DDX10: variants seen among roughly 807,000 people sequenced by gnomAD.
DDX10 encodes DEAD-box helicase 10, also known as probable ATP-dependent RNA helicase DDX10.
In DDX10, 74 loss-of-function variants were observed where a neutral mutation model predicts 104.3. That is an observed-to-expected ratio of 0.71 (90% CI 0.59 to 0.86). The LOEUF is 0.86. Among genes scored for constraint, DDX10 ranks in the 40% least tolerant of loss-of-function variants. DDX10 has a pLI of 0.00. For synonymous variants in DDX10, 351 were observed against 353.4 expected (o/e 0.99, Z 0.08); for missense variants, 952 against 1,040.0 (o/e 0.92, Z 1.16).
intron 1 of DDX10, among the ~76,000 whole-genome samples, chr11:108,666,302 A>AC (rs371598374): frequency 3.3e-5 from 5 of 151,612 alleles, no homozygotes; most frequent in African/African-American, 9.7e-5. Flanking sequence ...ACATGGTGAA[A>AC]CCCCGCCTCT....
chr11:108,815,929 T>C (rs530115268), intron 13 of DDX10, among the ~76,000 whole-genome samples: 5 of 152,358 alleles, frequency 3.3e-5, no homozygotes, highest in Non-Finnish European at 5.9e-5. Flanking sequence ...AGTTTTCTTT[T>C]GAATCTATTC....
chr11:108,940,085 A>T (rs1565325009), intron 17 of DDX10, among the ~76,000 whole-genome samples, 161 bp from the exon 18 acceptor site: 1 of 152,142 alleles, frequency 6.6e-6, no homozygotes, highest in Non-Finnish European at 1.5e-5. Context: ...CTAGCTACTG[A>T]TGGGAAGGTA....
intron 16 of DDX10, among the ~76,000 whole-genome samples, chr11:108,901,266 G>A (rs1863513468): frequency 2.6e-5 from 4 of 152,188 alleles, no homozygotes. Context: ...CGTACATCAT[G>A]CATAGTAAGC....
chr11:108,692,780 G>T (rs1219131388), intron 8 of DDX10, among the ~76,000 whole-genome samples: 1 of 152,156 alleles, frequency 6.6e-6, no homozygotes, highest in Non-Finnish European at 1.5e-5. Flanking sequence ...CTGGAGTACA[G>T]TAGCATGATC....
At chr11:108,901,630 C>T (rs1168977979) in intron 16 of DDX10, among the ~76,000 whole-genome samples, 2 of 152,160 alleles carry the variant, frequency 1.3e-5, no homozygotes, top group Admixed American at 6.5e-5. Context: ...ACTGCAAGCT[C>T]ATAAACATGC....
chr11:108,868,941 C>G (rs1863043203), intron 16 of DDX10, among the ~76,000 whole-genome samples: 1 of 149,264 alleles, frequency 6.7e-6, no homozygotes, highest in East Asian at 2.0e-4. Flanking sequence ...AGAGGTAAAT[C>G]CCCTAGCCAC....
At chr11:108,860,711 A>G (rs1466097672) in intron 16 of DDX10, 1 of 152,094 alleles carries the variant, frequency 6.6e-6, no homozygotes, top group Non-Finnish European at 1.5e-5. Context: ...TTGCCCAGCT[A>G]ATTTTTCTAT....
At chr11:108,799,830 G>T (rs887714112) in intron 13 of DDX10, among the ~76,000 whole-genome samples, 1 of 152,172 alleles carries the variant, frequency 6.6e-6, no homozygotes, top group Non-Finnish European at 1.5e-5. Flanking sequence ...AAACAGAGTT[G>T]ATGTTCAGTA....
chr11:108,809,118 A>G (rs1862141227), intron 13 of DDX10, among the ~76,000 whole-genome samples: 1 of 152,188 alleles, frequency 6.6e-6, no homozygotes, highest in Non-Finnish European at 1.5e-5. Context: ...CTATTAAAAC[A>G]ATGGAGAATA....
chr11:108,736,383 T>G (rs1197095207), intron 13 of DDX10, among the ~76,000 whole-genome samples: 1 of 152,108 alleles, frequency 6.6e-6, no homozygotes, highest in Admixed American at 6.6e-5. Flanking sequence ...TGAATACGTT[T>G]TGCAGTTTAT....
chr11:108,904,355 A>G (rs2134651290), intron 16 of DDX10, among the ~76,000 whole-genome samples: 1 of 152,220 alleles, frequency 6.6e-6, no homozygotes, highest in East Asian at 1.9e-4. Context: ...ATGGTTTGTA[A>G]TTTTTACATT....
At chr11:108,810,768 C>CA (rs1157208347) in intron 13 of DDX10, among the ~76,000 whole-genome samples, 5 of 151,938 alleles carry the variant, frequency 3.3e-5, no homozygotes, top group Admixed American at 2.6e-4. Context: ...TCTTTTTCTC[C>CA]AAAAAAACCC....
chr11:108,770,389 C>G (rs1052856969), intron 13 of DDX10, among the ~76,000 whole-genome samples: 26 of 151,958 alleles, frequency 1.7e-4, no homozygotes, highest in Admixed American at 1.3e-4. Flanking sequence ...CTTATTCATT[C>G]TTTCTAACCA....
At chr11:108,884,564 A>G (rs1863270010) in intron 16 of DDX10, among the ~76,000 whole-genome samples, 1 of 152,044 alleles carries the variant, frequency 6.6e-6, no homozygotes, top group South Asian at 2.1e-4. Flanking sequence ...CCCTTCTGTA[A>G]CTCAGAAGTC....
At chr11:108,702,227 A>T (rs1398296064) in intron 9 of DDX10, among the ~76,000 whole-genome samples, 1 of 152,234 alleles carries the variant, frequency 6.6e-6, no homozygotes, top group Non-Finnish European at 1.5e-5. Context: ...TACAAAAATA[A>T]TGCTTACTAA....
At chr11:108,938,393 T>A (rs1410094800) in intron 17 of DDX10, among the ~76,000 whole-genome samples, 3 of 152,174 alleles carry the variant, frequency 2.0e-5, no homozygotes, top group Non-Finnish European at 4.4e-5. Flanking sequence ...CAGGAGCACA[T>A]TAACAGAGGA....
chr11:108,898,184 C>T (rs1353044477), intron 16 of DDX10, among the ~76,000 whole-genome samples: 1 of 152,118 alleles, frequency 6.6e-6, no homozygotes, highest in Non-Finnish European at 1.5e-5. Flanking sequence ...TGGGTAGGCC[C>T]ACCTAGGATT....
intron 13 of DDX10, among the ~76,000 whole-genome samples, chr11:108,745,254 A>ACCTTCCTTT (rs1271815984): frequency 1.9e-5 from 2 of 107,576 alleles, no homozygotes; most frequent in African/African-American, 7.4e-5. Context: ...TTCCTTCTTT[A>ACCTTCCTTT]CCTTCCTTTC....
At chr11:108,665,846 A>C (rs946878137) in intron 1 of DDX10, among the ~76,000 whole-genome samples, 14 of 152,288 alleles carry the variant, frequency 9.2e-5, no homozygotes, top group Admixed American at 2.0e-4. Context: ...GCTTTTAACC[A>C]TGAAGCCAGA....
Sources: gnomAD v4.1 joint callset for allele counts (sites outside exome capture counted in the v4.1 genomes callset) on GRCh38, gnomAD v4.1.1 for gene constraint, MANE v1.5 for transcripts, NCBI Gene and HGNC (gene_info 2026-07-23, HGNC 2026-07-21) for gene names.